Variants in ZNF611 observed in about 807,000 individuals in gnomAD.
ZNF611 encodes the protein zinc finger protein 611.
A neutral mutation model predicts 8.9 loss-of-function variants in ZNF611; 6 were observed. The ratio of observed to expected loss-of-function variants is 0.68; its 90% CI spans 0.37 to 1.34. The LOEUF is 1.34. Among genes scored for constraint, ZNF611 ranks in the 40% most tolerant of loss-of-function variants. The pLI is 0.02. For synonymous variants in ZNF611, 262 were observed against 279.7 expected (o/e 0.94, Z 0.63); for missense variants, 874 against 841.3 (o/e 1.04, Z -0.48).
intron 4 of ZNF611, 50 bp from the exon 5 acceptor site, chr19:52,714,191 C>G: frequency 6.3e-7 from 1 of 1,594,458 alleles, no homozygotes; most frequent in African/African-American, 1.4e-5. Flanking sequence ...AATGAGTTAT[C>G]ACCTTCACAG....
intron 5 of ZNF611, 59 bp from the exon 6 acceptor site, chr19:52,706,923 A>C: frequency 1.3e-6 from 2 of 1,548,994 alleles, no homozygotes; most frequent in South Asian, 1.3e-5. Context: ...ATCACACTGA[A>C]GTGCATAAAT....
chr19:52,730,424 A>C lies in ZNF611; in HGVS notation c.-221-419T>G, dbSNP rs1370935629. 5.0e-5 allele frequency among the ~76,000 whole-genome samples: 7 copies of C among 139,036 alleles called. No individual in the cohort carries two copies. The East Asian group carries it at 1.1e-3, about 22-fold the overall frequency. 91.2% of individuals were successfully genotyped at this position (139,036 alleles called of 152,430 possible). ...AAAAAAAAAAAAAAAAAAAAAAAAA[A>C]CATGATGTAGGCTCCTTGGTCTGAA... is the stretch of plus-strand genomic sequence containing the variant. On this transcript the variant is annotated intron_variant, in intron 1 of 5. Transcript: ENST00000652185.
At chr19:52,713,104 G>A (rs1180569651) in intron 5 of ZNF611, among the ~76,000 whole-genome samples, 2 of 152,152 alleles carry the variant, frequency 1.3e-5, no homozygotes, top group African/African-American at 2.4e-5. Flanking sequence ...GCTGAGGCAG[G>A]AGAGTCGCTT....
intron 3 of ZNF611, chr19:52,724,559 C>T (rs538611363): frequency 6.6e-6 from 1 of 152,268 alleles, no homozygotes; most frequent in South Asian, 2.1e-4. Context: ...CCTTATTTAA[C>T]CTCTTGTTGC....
intron 3 of ZNF611, chr19:52,723,812 G>A (rs939452467): frequency 2.6e-4 from 39 of 152,158 alleles, no homozygotes; most frequent in African/African-American, 8.9e-4. Context: ...AAGGTCAGCA[G>A]GAAATCATGT....
intron 5 of ZNF611, among the ~76,000 whole-genome samples, chr19:52,712,250 T>C (rs968171249): frequency 6.6e-6 from 1 of 150,736 alleles, no homozygotes; most frequent in African/African-American, 2.4e-5. Flanking sequence ...CCATGAAGAG[T>C]ACAGTAGAGC....
In ZNF611 at chr19:52,714,733, CTG is replaced by C. The variant is rs2062304768; in HGVS notation, c.64-594_64-593del. ...ACAAAAAAACAATGCCGGGCAGTGA[CTG>C]TCACCTGTAATCCCAGCACTTTGGG... On this transcript the variant is annotated intron_variant, in intron 4 of 5. Coordinates refer to ENST00000652185, the MANE Select transcript of ZNF611 (RefSeq NM_001161499.2). 1.8e-5 allele frequency among the ~76,000 whole-genome samples: 2 copies of C among 110,980 alleles called. 1 individual carries two copies. Among genetic ancestry groups the C allele is most frequent in the Non-Finnish European group, 3.6e-5 (2 of 55,676 alleles). 72.8% of individuals were successfully genotyped at this position (110,980 alleles called of 152,430 possible). A position where few individuals can be genotyped will look rare whatever the true frequency, so the allele number is the denominator to read the frequency against.
chr19:52,714,990 C>G (rs1490825879), intron 4 of ZNF611, among the ~76,000 whole-genome samples: 4 of 151,928 alleles, frequency 2.6e-5, no homozygotes, highest in Non-Finnish European at 5.9e-5. Context: ...GAGCAAGACT[C>G]CATCTCACAC....
At chr19:52,725,675 A>G (rs1201596226) in intron 3 of ZNF611, among the ~76,000 whole-genome samples, 1 of 152,186 alleles carries the variant, frequency 6.6e-6, no homozygotes, top group Non-Finnish European at 1.5e-5. Context: ...CAGAAGTGCC[A>G]GGGACCTGGG....
chr19:52,714,269 G>A, intron 4 of ZNF611, 128 bp from the exon 5 acceptor site: 1 of 1,488,444 alleles, frequency 6.7e-7, no homozygotes, highest in Non-Finnish European at 8.9e-7. Flanking sequence ...GGATGTTAAG[G>A]TATTTTTGAA....
intron 1 of ZNF611, among the ~76,000 whole-genome samples, chr19:52,732,957 A>ATATT (rs2062435124): frequency 1.2e-5 from 1 of 83,746 alleles, no homozygotes; most frequent in Non-Finnish European, 2.6e-5. Context: ...CTGTCTCAAA[A>ATATT]TATTAATTAA....
At chr19:52,710,069 G>A (rs558953670) in intron 5 of ZNF611, among the ~76,000 whole-genome samples, 12 of 152,020 alleles carry the variant, frequency 7.9e-5, no homozygotes, top group African/African-American at 2.7e-4. Flanking sequence ...AAGCTTTCCA[G>A]TTTCAGCTAT....
rs575401509 is a variant in ZNF611 at position 52,716,004 on chromosome 19, T to C, written c.-19-91A>G. On this transcript the variant is annotated intron_variant, in intron 3 of 5. Transcript: ENST00000652185. ...CACGAACGGGGGAGACGTCACCCTG[T>C]AGAAAGAAGTCCCCCACTGCCCACT... 3.4e-6 allele frequency: 5 copies of C among 1,453,346 alleles called. No individual in the cohort carries two copies. In the African/African-American group the frequency reaches 7.0e-5, roughly 20 times the overall value. 90.0% of individuals were successfully genotyped at this position (1,453,346 alleles called of 1,614,324 possible).
At position 52,705,693 on chromosome 19, in the gene ZNF611, G is replaced by T; in HGVS notation, c.1362C>A (p.Tyr454Ter). The part of the protein sequence containing the change: ...HHRLHGGEKS[Y>*]KCKVCDKAFV... ...AAGCCTTGTCACAAACCTTACATTT[G>T]TAAGATTTCTCTCCACCATGAAGTC... The change falls in exon 6 of 6, where the codon TAC (tyrosine) becomes TAA (stop). Residue 454 changes from tyrosine to a stop codon, truncating the protein, a stop_gained. Coordinates refer to ENST00000652185, the MANE Select transcript of ZNF611 (RefSeq NM_001161499.2). LOFTEE classifies it low-confidence loss of function (END_TRUNC). 6.2e-7 allele frequency: 1 copy of T among 1,613,930 alleles called. No individual in the cohort carries two copies. Among genetic ancestry groups the T allele is most frequent in the South Asian group, 1.1e-5 (1 of 91,050 alleles).
chr19:52,725,860 T>C (rs1419435881), intron 3 of ZNF611, among the ~76,000 whole-genome samples: 1 of 151,854 alleles, frequency 6.6e-6, no homozygotes, highest in Non-Finnish European at 1.5e-5. Context: ...CGGAGAGACC[T>C]TGCCCTTTAG....
intron 3 of ZNF611, among the ~76,000 whole-genome samples, chr19:52,719,713 T>G (rs1240082678): frequency 6.6e-6 from 1 of 152,228 alleles, no homozygotes; most frequent in Admixed American, 6.5e-5. Flanking sequence ...CATTTCCCCC[T>G]GGACTTCTGC....
intron 3 of ZNF611, among the ~76,000 whole-genome samples, chr19:52,716,862 G>C (rs968090082): frequency 2.6e-5 from 4 of 152,092 alleles, no homozygotes; most frequent in Admixed American, 6.6e-5. Flanking sequence ...GTAGGGACTA[G>C]CCCAGCCAAC....
chr19:52,716,584 G>C (rs978378393), intron 3 of ZNF611, among the ~76,000 whole-genome samples: 2 of 152,152 alleles, frequency 1.3e-5, no homozygotes, highest in Non-Finnish European at 2.9e-5. Flanking sequence ...AGAAGGGGTA[G>C]GGTGAGGGTT....
intron 1 of ZNF611, among the ~76,000 whole-genome samples, chr19:52,731,831 C>CA (rs2062427423): frequency 6.6e-6 from 1 of 151,946 alleles, no homozygotes; most frequent in Non-Finnish European, 1.5e-5. Context: ...ATTAGCCGAG[C>CA]GTGGTGGTGC....
Sources: gnomAD v4.1 joint callset for allele counts (sites outside exome capture counted in the v4.1 genomes callset) on GRCh38, gnomAD v4.1.1 for gene constraint, MANE v1.5 for transcripts, NCBI Gene and HGNC (gene_info 2026-07-23, HGNC 2026-07-21) for gene names.